ADCY1: variants seen among roughly 807,000 people sequenced by gnomAD.
The protein encoded by ADCY1 is adenylate cyclase type 1.
A neutral mutation model predicts 105.4 loss-of-function variants in ADCY1; 28 were observed. The ratio of observed to expected loss-of-function variants is 0.27; its 90% confidence interval spans 0.20 to 0.36. The LOEUF (loss-of-function observed/expected upper bound fraction) is 0.36. Ranked by LOEUF, ADCY1 falls within the 10% of genes least tolerant of loss-of-function variation. The probability of loss-of-function intolerance (pLI) is 1.00; values close to 1 mark genes in which losing one functional copy is unlikely to be tolerated. For synonymous variants in ADCY1, 655 were observed against 623.8 expected, an observed-to-expected ratio of 1.05 and a Z score of -0.75; for missense variants, 977 against 1,434.2, an observed-to-expected ratio of 0.68 and a Z score of 5.15.
intron 2 of ADCY1, among the ~76,000 whole-genome samples, chr7:45,598,915 T>C (rs893785996): frequency 2.0e-5 from 3 of 152,192 alleles, no homozygotes; most frequent in Non-Finnish European, 2.9e-5. Flanking sequence ...AAAGCCTCTT[T>C]CTCAGTCTTG....
At chr7:45,652,693 C>G (rs1230136878) in intron 5 of ADCY1, among the ~76,000 whole-genome samples, 4 of 152,182 alleles carry the variant, frequency 2.6e-5, no homozygotes, top group Non-Finnish European at 5.9e-5. Flanking sequence ...TGTCAAATGC[C>G]TGTGGGCCTA....
chr7:45,592,450 C>T (rs1792949282), intron 1 of ADCY1, among the ~76,000 whole-genome samples: 1 of 152,180 alleles, frequency 6.6e-6, no homozygotes, highest in Non-Finnish European at 1.5e-5. Flanking sequence ...CTGTAAAGAC[C>T]CTGTTTTCAA....
In ADCY1 at chr7:45,720,064, C is replaced by G. The variant is rs929078663; in HGVS notation, c.*6069C>G. The stretch of plus-strand genomic sequence containing the variant: ...GCAGGAATTCGGCCCTCCAGCTCCC[C>G]TCCAGTTACCAGGAGCCGATTTGGA... On this transcript the variant is annotated 3_prime_UTR_variant, in exon 20 of 20. Coordinates refer to ENST00000297323, the MANE Select transcript of ADCY1 (RefSeq NM_021116.4). 2.6e-5 allele frequency: 4 copies of G among 152,158 alleles called. No individual in the cohort carries two copies. Among genetic ancestry groups the G allele is most frequent in the African/African-American group, 9.7e-5 (4 of 41,420 alleles). 9.4% of individuals were successfully genotyped at this position (152,158 alleles called of 1,614,324 possible). A position where few individuals can be genotyped will look rare whatever the true frequency, so the allele number is the denominator to read the frequency against.
chr7:45,620,631 T>C lies in ADCY1; in HGVS notation c.909-2001T>C, dbSNP rs566129945. Among the ~76,000 whole-genome samples, 11 of 152,226 alleles carry C rather than the reference T, an allele frequency of 7.2e-5. No individual in the cohort carries two copies. In the East Asian group the frequency reaches 1.7e-3, roughly 24 times the overall value. On this transcript the variant is annotated intron_variant, in intron 3 of 19. Coordinates refer to ENST00000297323, the MANE Select transcript of ADCY1 (RefSeq NM_021116.4). The stretch of plus-strand genomic sequence containing the variant: ...ACTCAAAAAGACCCACACTGAGACA[T>C]GTCATTATCAAACTGTCAAAAACTA...
chr7:45,657,989 T>A (rs1794987649), intron 6 of ADCY1, 104 bp downstream of exon 6: 1 of 1,296,508 alleles, frequency 7.7e-7, no homozygotes, highest in Non-Finnish European at 1.1e-6. Context: ...TGAGGGCACT[T>A]GTGTGAGTGC....
chr7:45,691,923 A>C (rs1259691775), intron 14 of ADCY1, among the ~76,000 whole-genome samples: 6 of 152,084 alleles, frequency 3.9e-5, no homozygotes, highest in Admixed American at 2.6e-4. Flanking sequence ...GTTGTGGAGG[A>C]GTTTATGTCA....
intron 7 of ADCY1, among the ~76,000 whole-genome samples, 183 bp from the exon 8 acceptor site, chr7:45,661,876 A>T (rs1362681064): frequency 6.6e-6 from 1 of 152,026 alleles, no homozygotes; most frequent in Non-Finnish European, 1.5e-5. Flanking sequence ...GGCCCTCCCA[A>T]TATGGTTTTG....
At chr7:45,704,489 T>C (rs1055515344) in intron 16 of ADCY1, 29 bp from the exon 17 acceptor site, 17 of 1,602,282 alleles carry the variant, frequency 1.1e-5, no homozygotes, top group Admixed American at 1.0e-4. Context: ...TGTTATGTCA[T>C]GTTTAACAGT....
In ADCY1 at chr7:45,574,811, C is replaced by G. The variant is rs774107345; in HGVS notation, c.268C>G (p.Leu90Val). 1.9e-6 allele frequency: 3 copies of G among 1,595,154 alleles called. No individual in the cohort carries two copies. The highest frequency in any genetic ancestry group is 2.0e-4 in the Middle Eastern group (1 of 5,006). Residue 90 changes from leucine (L) to valine (V), a missense_variant, in exon 1 of 20, where the codon CTG (leucine) becomes GTG (valine). This residue lies in a region of ADCY1 where 209 missense variants were observed against 222.5 expected (regional missense o/e 0.94). Coordinates refer to ENST00000297323, the MANE Select transcript of ADCY1 (RefSeq NM_021116.4). This position sits in a 1 kb window ranked among gnomAD's most constrained non-coding sequence, Gnocchi z 7.0. Reference sequence around the variant, plus strand: ...GGGCGCGCCGGGGCCCGCGCCCGGCCTGGCCAAGGGCTCACACCCGGTGCA... The same window carrying G: ...GGGCGCGCCGGGGCCCGCGCCCGGCGTGGCCAAGGGCTCACACCCGGTGCA... ...LLGAPGPAPG[L>V]AKGSHPVHCV...
chr7:45,707,742 C>T (rs940751700), intron 17 of ADCY1, among the ~76,000 whole-genome samples: 7 of 152,066 alleles, frequency 4.6e-5, no homozygotes, highest in South Asian at 4.2e-4. Context: ...TAACAATAGG[C>T]GAAACTGTGG....
At chr7:45,654,475 C>T (rs192635382) in intron 5 of ADCY1, among the ~76,000 whole-genome samples, 7 of 152,296 alleles carry the variant, frequency 4.6e-5, no homozygotes, top group African/African-American at 7.2e-5. Context: ...GTGCTGTGGT[C>T]GTCAGTAGAA....
chr7:45,713,247 C>T (rs1037403937), intron 19 of ADCY1, among the ~76,000 whole-genome samples: 1 of 149,140 alleles, frequency 6.7e-6, no homozygotes, highest in East Asian at 1.9e-4. Flanking sequence ...GGAGCTGGGT[C>T]CCACACAGCC....
At chr7:45,654,103 C>T (rs774322985) in intron 5 of ADCY1, among the ~76,000 whole-genome samples, 35 of 152,148 alleles carry the variant, frequency 2.3e-4, no homozygotes, top group Admixed American at 2.2e-3. Flanking sequence ...TTCTAGCAGC[C>T]GCTGCAAGTA....
intron 4 of ADCY1, among the ~76,000 whole-genome samples, chr7:45,630,515 G>A (rs537885504): frequency 1.3e-5 from 2 of 152,246 alleles, no homozygotes; most frequent in South Asian, 4.1e-4. Flanking sequence ...GGTTCCAAGG[G>A]AGAATTTGTC....
At chr7:45,645,281 T>A (rs1045385831) in intron 4 of ADCY1, among the ~76,000 whole-genome samples, 5 of 152,100 alleles carry the variant, frequency 3.3e-5, no homozygotes, top group Non-Finnish European at 5.9e-5. Context: ...TGGGCATCTC[T>A]TTAGCCTTCA....
chr7:45,703,111 C>T lies in ADCY1; in HGVS notation c.2455-265C>T, dbSNP rs1405960800. ...CCCTAAGGGGTGGCGGAGGGCAGGG[C>T]GGACCCTGGAAATGAGGTGAAGCCA... On this transcript the variant is annotated intron_variant, in intron 14 of 19. Transcript: ENST00000297323. This position sits in a 1 kb window ranked among gnomAD's most constrained non-coding sequence, Gnocchi z 5.9. 2.0e-5 allele frequency among the ~76,000 whole-genome samples: 3 copies of T among 152,120 alleles called. No homozygotes were observed. The highest frequency in any genetic ancestry group is 3.9e-4 in the East Asian group (2 of 5,178).
chr7:45,610,760 A>AGTGGAGCTGTT (rs1793525963), intron 3 of ADCY1, among the ~76,000 whole-genome samples: 3 of 2,364 alleles, frequency 1.3e-3, no homozygotes, highest in Non-Finnish European at 2.4e-3. Context: ...ATGGAGGTGT[A>AGTGGAGCTGTT]GAGGTGATAG....
At chr7:45,590,132 G>A (rs1460210122) in intron 1 of ADCY1, among the ~76,000 whole-genome samples, 1 of 152,158 alleles carries the variant, frequency 6.6e-6, no homozygotes, top group Non-Finnish European at 1.5e-5. Flanking sequence ...GCCTCCACGG[G>A]CTGCTAGCCC....
chr7:45,607,514 T>G (rs1438239123), intron 2 of ADCY1, among the ~76,000 whole-genome samples: 1 of 152,320 alleles, frequency 6.6e-6, no homozygotes, highest in Non-Finnish European at 1.5e-5. Flanking sequence ...TGTGTGATAC[T>G]CAGGTTTGAG....
Sources: gnomAD v4.1 joint callset for allele counts (sites outside exome capture counted in the v4.1 genomes callset) on GRCh38, gnomAD v4.1.1 for gene constraint, gnomAD v4.1.1 regional missense constraint, Gnocchi (gnomAD v3.1) non-coding constraint, MANE v1.5 for transcripts, NCBI Gene and HGNC (gene_info 2026-07-23, HGNC 2026-07-21) for gene names.